The following NPLOC4 variants were observed in gnomAD, a reference collection of about 807,000 sequenced individuals.
The protein encoded by NPLOC4 is nuclear protein localization protein 4 homolog.
NPLOC4 carries 18 observed loss-of-function variants against 80.6 expected under a neutral mutation model. The ratio of observed to expected loss-of-function variants is 0.22; its 90% CI spans 0.15 to 0.33. The LOEUF (loss-of-function observed/expected upper bound fraction) is 0.33, where lower values mean the gene tolerates loss of function less well. Among genes scored for constraint, NPLOC4 ranks in the 10% least tolerant of loss-of-function variants. The pLI, the probability that NPLOC4 is intolerant of heterozygous loss-of-function variation, is 1.00. For synonymous variants in NPLOC4, 313 were observed against 301.5 expected, an observed-to-expected ratio of 1.04 and a Z score of -0.39; for missense variants, 540 against 786.1, an observed-to-expected ratio of 0.69 and a Z score of 3.74.
At chr17:81,613,641 T>A in intron 3 of NPLOC4, 147 bp from the exon 4 acceptor site, 1 of 668,050 alleles carries the variant, frequency 1.5e-6, no homozygotes, top group Non-Finnish European at 2.5e-6. Flanking sequence ...GAGAATTCTC[T>A]TCTAACATCT....
intron 6 of NPLOC4, 87 bp from the exon 7 acceptor site, chr17:81,606,901 C>G: frequency 7.8e-7 from 1 of 1,274,986 alleles, no homozygotes; most frequent in South Asian, 1.3e-5. Flanking sequence ...TCTTATACCT[C>G]CTGAACAGTG....
rs1018425531 is a variant in NPLOC4, at chr17:81,630,812, G to A, written c.16-1007C>T. On this transcript the variant is annotated intron_variant, in intron 1 of 16. Transcript: ENST00000331134. Reference sequence around the variant, plus strand: ...GGATCACTTAAACCAGGGAGGTCGAGGCTACAGTGAGCCAAGATGGTGCCA... The same window carrying A: ...GGATCACTTAAACCAGGGAGGTCGAAGCTACAGTGAGCCAAGATGGTGCCA... Among the ~76,000 whole-genome samples, 3 of 152,108 alleles carry A rather than the reference G, an allele frequency of 2.0e-5. No individual in the cohort carries two copies. In the East Asian group the frequency reaches 5.8e-4, roughly 29 times the overall value.
intron 12 of NPLOC4, chr17:81,587,971 G>A (rs1428914668): frequency 2.6e-5 from 4 of 151,856 alleles, no homozygotes; most frequent in African/African-American, 7.3e-5. Flanking sequence ...CGCCGCGCCC[G>A]GCCGAAAAAA....
At chr17:81,609,099 C>A (rs973726328) in intron 5 of NPLOC4, among the ~76,000 whole-genome samples, 5 of 152,228 alleles carry the variant, frequency 3.3e-5, no homozygotes, top group African/African-American at 4.8e-5. Context: ...CTGCTCACTA[C>A]AACCTCCACC....
rs60092546 is a variant in NPLOC4 at position 81,623,464 on chromosome 17, C to CAAAA, written c.97-1190_97-1187dup. The stretch of plus-strand genomic sequence containing the variant: ...TGGGTGACAGAGCAAGACTTTGTTT[C>CAAAA]AAAAAAAAAAAAAAAAAAAAGCAAA... On this transcript the variant is annotated intron_variant, in intron 2 of 16. Coordinates refer to ENST00000331134, the MANE Select transcript of NPLOC4 (RefSeq NM_017921.4). 4.5e-4 allele frequency among the ~76,000 whole-genome samples: 37 copies of CAAAA among 82,546 alleles called. 1 individual carries two copies. Among genetic ancestry groups the CAAAA allele is most frequent in the East Asian group, 1.9e-3 (4 of 2,152 alleles). 54.2% of individuals were successfully genotyped at this position (82,546 alleles called of 152,430 possible).
intron 11 of NPLOC4, among the ~76,000 whole-genome samples, chr17:81,590,472 C>A (rs2034709767): frequency 6.6e-6 from 1 of 152,174 alleles, no homozygotes; most frequent in Non-Finnish European, 1.5e-5. Flanking sequence ...GCTTCCAGAA[C>A]TGAAGTTATG....
chr17:81,559,357 G>C lies in NPLOC4; in HGVS notation c.1729C>G (p.His577Asp). The C allele has an allele frequency of 1.9e-6, 3 of 1,608,478 alleles. No individual in the cohort carries two copies. The highest frequency in any genetic ancestry group is 1.1e-5 in the South Asian group (1 of 90,030). Residue 577 changes from histidine (H) to aspartate (D), a missense_variant, in exon 17 of 17, where the codon CAC becomes GAC. Coordinates refer to ENST00000331134, the MANE Select transcript of NPLOC4 (RefSeq NM_017921.4). ...GCCCACATGGCTGCAGTGGCCGTGT[G>C]TGTGGAGCCCCCGACGGCGCCGTAC... The part of the protein sequence containing the change: ...HEYGAVGGST[H>D]TATAAMWACQ...
chr17:81,623,085 C>T (rs943987976), intron 2 of NPLOC4, among the ~76,000 whole-genome samples: 5 of 151,606 alleles, frequency 3.3e-5, no homozygotes, highest in Non-Finnish European at 4.4e-5. Flanking sequence ...TCCCAGCTAC[C>T]CGTGAGGCTG....
intron 8 of NPLOC4, among the ~76,000 whole-genome samples, chr17:81,601,882 A>T (rs2035064534): frequency 6.6e-6 from 1 of 152,218 alleles, no homozygotes; most frequent in South Asian, 2.1e-4. Flanking sequence ...ACCCATGCAT[A>T]GCCTGCAGTT....
In NPLOC4 at chr17:81,565,559, G is replaced by A. The variant is rs867102490; in HGVS notation, c.1615C>T (p.Leu539Phe). Residue 539 changes from leucine to phenylalanine, a missense_variant, in exon 16 of 17, where the codon CTC (leucine) becomes TTC (phenylalanine). Coordinates refer to ENST00000331134, the MANE Select transcript of NPLOC4 (RefSeq NM_017921.4). ...LEAVRTRNEE[L>F]AQTWKRSEQW... ...TCAGACCTCTTCCATGTCTGGGCGA[G>A]CTCCTCATTTCTGGTCCGCACGGCC... 1.9e-6 allele frequency: 3 copies of A among 1,556,238 alleles called. No homozygotes were observed. Among genetic ancestry groups the A allele is most frequent in the Admixed American group, 1.9e-5 (1 of 52,216 alleles).
chr17:81,613,697 G>A (rs1216827121), intron 3 of NPLOC4, among the ~76,000 whole-genome samples: 1 of 152,156 alleles, frequency 6.6e-6, no homozygotes, highest in African/African-American at 2.4e-5. Context: ...CAGGTTCTCT[G>A]TAATTTAATC....
intron 2 of NPLOC4, among the ~76,000 whole-genome samples, chr17:81,626,543 C>T (rs2035800372): frequency 6.6e-6 from 1 of 152,118 alleles, no homozygotes; most frequent in Non-Finnish European, 1.5e-5. Flanking sequence ...ACGACAGCTT[C>T]AAATGCTCAA....
chr17:81,564,118 A>ACACACACACACACACACAGACACACAC (rs1568114631), intron 16 of NPLOC4: 1 of 323,014 alleles, frequency 3.1e-6, no homozygotes, highest in African/African-American at 2.3e-5. Flanking sequence ...ACACACACAC[A>ACACACACACACACACACAGACACACAC]AAGAGCAGGG....
chr17:81,619,248 G>A (rs911941979), intron 3 of NPLOC4, among the ~76,000 whole-genome samples: 5 of 151,118 alleles, frequency 3.3e-5, no homozygotes, highest in Non-Finnish European at 5.9e-5. Context: ...ATGTTGGCGG[G>A]CGCCTGTAGT....
Position 81,610,387 on chromosome 17 carries a change from C to T in NPLOC4, c.387-129G>A, listed in dbSNP as rs1048031014. 11 of 729,964 alleles carry T rather than the reference C, an allele frequency of 1.5e-5. No homozygotes were observed. The Admixed American group carries it at 2.7e-4, about 18-fold the overall frequency. 45.2% of individuals were successfully genotyped at this position (729,964 alleles called of 1,614,324 possible). A position where few individuals can be genotyped will look rare whatever the true frequency, so the allele number is the denominator to read the frequency against. ...CCACGTGGAGTTATATTCCAGATGG[C>T]ACATGGATAAACATTTATATTTTAA... is the stretch of plus-strand genomic sequence containing the variant. On this transcript the variant is annotated intron_variant, in intron 4 of 16. Coordinates refer to ENST00000331134, the MANE Select transcript of NPLOC4 (RefSeq NM_017921.4).
chr17:81,575,710 C>T lies in NPLOC4; in HGVS notation c.1282-3622G>A, dbSNP rs543447908. Among the ~76,000 whole-genome samples the T allele has an allele frequency of 2.2e-3, 338 of 152,356 alleles. 4 individuals are homozygous for T. Among genetic ancestry groups the T allele is most frequent in the African/African-American group, 7.6e-3 (315 of 41,582 alleles). ...GCCGGTGCTGCAGGGCCAGGGCACA[C>T]GCAGGCCTCCCTCCTGCCTTTGGGG... On this transcript the variant is annotated intron_variant, in intron 12 of 16. Coordinates refer to ENST00000331134, the MANE Select transcript of NPLOC4 (RefSeq NM_017921.4).
At chr17:81,596,312 A>G in intron 10 of NPLOC4, 70 bp from the exon 11 acceptor site, 2 of 1,527,034 alleles carry the variant, frequency 1.3e-6, no homozygotes, top group Admixed American at 3.8e-5. Flanking sequence ...TTCTTCTTTA[A>G]AAAATAAGAA....
At chr17:81,581,170 C>G (rs1429181933) in intron 12 of NPLOC4, among the ~76,000 whole-genome samples, 1 of 151,782 alleles carries the variant, frequency 6.6e-6, no homozygotes, top group Admixed American at 6.6e-5. Flanking sequence ...GCCAACATGG[C>G]GAAACCCTGT....
At position 81,637,101 on chromosome 17, in the gene NPLOC4, C is replaced by T. The variant is rs961186671; in HGVS notation, c.-171G>A. 2.7e-6 allele frequency: 1 copy of T among 369,608 alleles called. No homozygotes were observed. The highest frequency in any genetic ancestry group is 4.7e-6 in the Non-Finnish European group (1 of 211,976). 22.9% of individuals were successfully genotyped at this position (369,608 alleles called of 1,614,324 possible). A position where few individuals can be genotyped will look rare whatever the true frequency, so the allele number is the denominator to read the frequency against. Reference sequence around the variant, plus strand: ...CCGCCAGCCGCCGACGTCCCGGTGCCTCGCTCAATACGCTCCCCTCGGGCG... The same window carrying T: ...CCGCCAGCCGCCGACGTCCCGGTGCTTCGCTCAATACGCTCCCCTCGGGCG... On this transcript the variant is annotated 5_prime_UTR_variant, in exon 1 of 17. Coordinates refer to ENST00000331134, the MANE Select transcript of NPLOC4 (RefSeq NM_017921.4).
Sources: allele counts gnomAD v4.1 joint callset (sites outside exome capture counted in the v4.1 genomes callset), GRCh38; gene constraint gnomAD v4.1.1; transcripts MANE v1.5; gene names NCBI Gene and HGNC (gene_info 2026-07-23, HGNC 2026-07-21).